FHIP1A: variants seen among roughly 807,000 people sequenced by gnomAD.
FHIP1A encodes the protein FHF complex subunit HOOK-interacting protein 1A.
Under a neutral mutation model 88.6 loss-of-function variants are expected in FHIP1A, and 61 were observed. That is an observed-to-expected ratio of 0.69 (90% CI 0.56 to 0.85). The LOEUF is 0.85. Among genes scored for constraint, FHIP1A ranks in the 40% least tolerant of loss-of-function variants. The pLI is 0.00. For synonymous variants in FHIP1A, 478 were observed against 496.0 expected (o/e 0.96, Z 0.48); for missense variants, 1,154 against 1,273.5 (o/e 0.91, Z 1.43).
At chr4:151,573,271 A>AACAC (rs140733704) in intron 4 of FHIP1A, among the ~76,000 whole-genome samples, 4,156 of 147,270 alleles carry the variant, frequency 0.028, 189 homozygotes, top group African/African-American at 0.099. Flanking sequence ...GATGCATCCA[A>AACAC]ACACACACAC....
intron 2 of FHIP1A, among the ~76,000 whole-genome samples, chr4:151,479,163 A>G (rs565417648): frequency 6.6e-6 from 1 of 152,192 alleles, no homozygotes; most frequent in East Asian, 1.9e-4. Flanking sequence ...TAATGGATAC[A>G]CTGTTGAGGA....
rs531799174 is a variant in FHIP1A at position 151,457,806 on chromosome 4, T to C, written c.-248+2998T>C. The stretch of plus-strand genomic sequence containing the variant: ...CAGAGGCCAGGCAGGTAGTATAATA[T>C]GAATATAAGTTTCTAGGGAGGAATG... On this transcript the variant is annotated intron_variant, in intron 2 of 13. Coordinates refer to ENST00000435205, the MANE Select transcript of FHIP1A (RefSeq NM_001109977.3). Among the ~76,000 whole-genome samples the C allele has an allele frequency of 3.9e-5, 6 of 152,124 alleles. No homozygotes were observed. In the South Asian group the frequency reaches 6.2e-4, roughly 16 times the overall value.
rs757855390 is a variant in FHIP1A, at chr4:151,548,782, C to T, written c.-122-17356C>T. Among the ~76,000 whole-genome samples, 55 of 152,134 alleles carry T rather than the reference C, an allele frequency of 3.6e-4. 1 individual carries two copies. Among genetic ancestry groups the T allele is most frequent in the African/African-American group, 3.4e-4 (14 of 41,422 alleles). ...ACTAAAAACGCAAAAATTAGCCAGG[C>T]GTGGTGGCACACGCCTGTAATCCCA... On this transcript the variant is annotated intron_variant, in intron 3 of 13. Coordinates refer to ENST00000435205, the MANE Select transcript of FHIP1A (RefSeq NM_001109977.3).
At chr4:151,545,285 A>G (rs2126734071) in intron 3 of FHIP1A, among the ~76,000 whole-genome samples, 1 of 152,260 alleles carries the variant, frequency 6.6e-6, no homozygotes, top group Admixed American at 6.5e-5. Flanking sequence ...GTTTCAAGGC[A>G]GAACATACAT....
chr4:151,594,636 G>A (rs1687232282), intron 7 of FHIP1A, among the ~76,000 whole-genome samples: 1 of 151,798 alleles, frequency 6.6e-6, no homozygotes, highest in East Asian at 1.9e-4. Context: ...GAGTGCAGTG[G>A]TGCGATCTCG....
In FHIP1A at chr4:151,656,849, G is replaced by C. The variant is rs1737261889; in HGVS notation, c.2820G>C (p.Leu940=). The part of the protein sequence containing the change: ...PGLLIQAQQY[L]LFRVDMSDMT... ...TCCTCATTCAAGCTCAGCAGTACCT[G>C]CTCTTCCGTGTGGACATGTCTGATA... The change falls in exon 13 of 14, where the codon CTG becomes CTC. Residue 940 remains leucine (L), a synonymous_variant. Transcript: ENST00000435205. This position sits in a 1 kb window ranked among gnomAD's most constrained non-coding sequence, Gnocchi z 4.2. 1 of 1,551,556 alleles carries C rather than the reference G, an allele frequency of 6.4e-7. No homozygotes were observed. Among genetic ancestry groups the C allele is most frequent in the Non-Finnish European group, 8.7e-7 (1 of 1,146,900 alleles).
At chr4:151,499,561 T>A (rs1482860867) in intron 3 of FHIP1A, among the ~76,000 whole-genome samples, 3 of 152,226 alleles carry the variant, frequency 2.0e-5, no homozygotes, top group African/African-American at 7.2e-5. Flanking sequence ...AAAGTCCTTG[T>A]GCATGCCAGT....
chr4:151,484,772 A>G (rs1730019039), intron 3 of FHIP1A, among the ~76,000 whole-genome samples: 1 of 152,264 alleles, frequency 6.6e-6, no homozygotes, highest in African/African-American at 2.4e-5. Flanking sequence ...AATTACAGAT[A>G]TTCTGAGCTG....
chr4:151,431,911 T>G (rs1258379946), intron 1 of FHIP1A, among the ~76,000 whole-genome samples: 4 of 152,184 alleles, frequency 2.6e-5, no homozygotes, highest in Admixed American at 1.3e-4. Flanking sequence ...GAAGAGAGAT[T>G]AAATAGTTGC....
intron 3 of FHIP1A, among the ~76,000 whole-genome samples, chr4:151,559,530 C>T (rs1035950175): frequency 6.6e-6 from 1 of 152,144 alleles, no homozygotes; most frequent in Non-Finnish European, 1.5e-5. Flanking sequence ...TCTTCTTACA[C>T]AAATCGTGGC....
chr4:151,601,292 G>T (rs796784190), intron 7 of FHIP1A, among the ~76,000 whole-genome samples: 15 of 152,128 alleles, frequency 9.9e-5, no homozygotes, highest in African/African-American at 3.4e-4. Flanking sequence ...AGGTCTACTG[G>T]GGGGGCATAG....
At chr4:151,563,206 G>A (rs142201650) in intron 3 of FHIP1A, among the ~76,000 whole-genome samples, 404 of 152,076 alleles carry the variant, frequency 2.7e-3, no homozygotes, top group African/African-American at 9.4e-3. Context: ...TCAAGCTATT[G>A]TATATATATT....
chr4:151,561,489 G>A (rs749499845), intron 3 of FHIP1A, among the ~76,000 whole-genome samples: 1 of 152,168 alleles, frequency 6.6e-6, no homozygotes, highest in South Asian at 2.1e-4. Context: ...CTAAGAAGAG[G>A]TTGTCTGAGG....
chr4:151,598,935 A>G (rs1488263678), intron 7 of FHIP1A, among the ~76,000 whole-genome samples: 6 of 152,218 alleles, frequency 3.9e-5, no homozygotes, highest in Non-Finnish European at 7.3e-5. Context: ...TATGTTGTGT[A>G]GAAAAAACAG....
At position 151,566,191 on chromosome 4, in the gene FHIP1A, G is replaced by A; in HGVS notation, c.-69G>A. ...GAAGTTACATTTCTCAAACTTGAAA[G>A]TTAGTGACGGCTTACCAAATTTTAA... is the stretch of plus-strand genomic sequence containing the variant. On this transcript the variant is annotated 5_prime_UTR_variant, in exon 4 of 14. Coordinates refer to ENST00000435205, the MANE Select transcript of FHIP1A (RefSeq NM_001109977.3). The A allele has an allele frequency of 1.1e-6, 1 of 923,842 alleles. No homozygotes were observed. Among genetic ancestry groups the A allele is most frequent in the Non-Finnish European group, 1.6e-6 (1 of 617,074 alleles). The allele number at this position is 923,842 out of a possible 1,614,324, so 57.2% of individuals were successfully genotyped here.
At chr4:151,446,416 A>G (rs1445497894) in intron 1 of FHIP1A, among the ~76,000 whole-genome samples, 3 of 150,830 alleles carry the variant, frequency 2.0e-5, no homozygotes, top group Admixed American at 1.3e-4. Flanking sequence ...TATACTGTAC[A>G]TATACACACA....
intron 7 of FHIP1A, among the ~76,000 whole-genome samples, chr4:151,616,071 G>A (rs774972171): frequency 6.6e-6 from 1 of 152,184 alleles, no homozygotes; most frequent in African/African-American, 2.4e-5. Flanking sequence ...AGTTGGCAGT[G>A]TCTAGAATAC....
chr4:151,557,614 G>A (rs548971420), intron 3 of FHIP1A, among the ~76,000 whole-genome samples: 1 of 152,324 alleles, frequency 6.6e-6, no homozygotes, highest in South Asian at 2.1e-4. Context: ...GGAGGCTTTT[G>A]GATAAATTAA....
intron 7 of FHIP1A, among the ~76,000 whole-genome samples, chr4:151,627,992 A>G (rs1481488750): frequency 6.6e-6 from 1 of 152,216 alleles, no homozygotes; most frequent in African/African-American, 2.4e-5. Context: ...GGAAACACAA[A>G]GACGGAAGTA....
Sources: allele counts gnomAD v4.1 joint callset (sites outside exome capture counted in the v4.1 genomes callset), GRCh38; gene constraint gnomAD v4.1.1; non-coding constraint Gnocchi (gnomAD v3.1); transcripts MANE v1.5; gene names NCBI Gene and HGNC (gene_info 2026-07-23, HGNC 2026-07-21).